POU6F2: variants seen among roughly 807,000 people sequenced by gnomAD.
POU6F2 encodes the protein POU class 6 homeobox 2.
Under a neutral mutation model 71.3 loss-of-function variants are expected in POU6F2, and 31 were observed. That is an observed-to-expected ratio of 0.43 (90% CI 0.33 to 0.59). The LOEUF is 0.59. POU6F2 is among the 20% of genes least tolerant of loss of function. The pLI is 0.04. For missense variants in POU6F2, 783 were observed against 856.8 expected, an observed-to-expected ratio of 0.91 and a Z score of 1.07; for synonymous variants, 347 against 355.7, an observed-to-expected ratio of 0.98 and a Z score of 0.27.
At chr7:39,237,873 T>C (rs1347837669) in intron 4 of POU6F2, among the ~76,000 whole-genome samples, 1 of 152,134 alleles carries the variant, frequency 6.6e-6, no homozygotes, top group Non-Finnish European at 1.5e-5. Flanking sequence ...GTAACATTAC[T>C]TCTGGCCACT....
intron 4 of POU6F2, among the ~76,000 whole-genome samples, chr7:39,269,566 C>G (rs1784307704): frequency 6.6e-6 from 1 of 152,218 alleles, no homozygotes; most frequent in Non-Finnish European, 1.5e-5. Context: ...TGCGTCTTCT[C>G]ATCCTATAAG....
intron 2 of POU6F2, among the ~76,000 whole-genome samples, chr7:39,096,427 G>A: frequency 6.6e-6 from 1 of 152,242 alleles, no homozygotes; most frequent in Middle Eastern, 3.4e-3. Flanking sequence ...CACAATTCAA[G>A]ATTATATTCA....
Position 38,998,693 on chromosome 7 carries a change from C to G in POU6F2, c.105+20635C>G, listed in dbSNP as rs1368189819. Among the ~76,000 whole-genome samples, 3 of 151,508 alleles carry G rather than the reference C, an allele frequency of 2.0e-5. No individual in the cohort carries two copies. The East Asian group carries it at 5.8e-4, about 29-fold the overall frequency. On this transcript the variant is annotated intron_variant, in intron 1 of 9. Coordinates refer to ENST00000518318, the MANE Select transcript of POU6F2 (RefSeq NM_001370959.1). ...TGAGACAGTATCTTGCTCTGTCACC[C>G]AGGATGGAGTGCAGTGGCATGATCT...
chr7:39,197,954 C>G (rs1793820507), intron 2 of POU6F2, among the ~76,000 whole-genome samples: 1 of 152,202 alleles, frequency 6.6e-6, no homozygotes, highest in South Asian at 2.1e-4. Context: ...AGAACTTACA[C>G]TCTTGTAGAG....
intron 6 of POU6F2, among the ~76,000 whole-genome samples, chr7:39,429,309 C>T (rs949171714): frequency 7.9e-5 from 12 of 152,076 alleles, no homozygotes; most frequent in African/African-American, 2.9e-4. Flanking sequence ...CCCTGCTTGG[C>T]CCCCATTTCT....
intron 1 of POU6F2, among the ~76,000 whole-genome samples, chr7:39,078,349 T>G (rs1341977430): frequency 6.6e-6 from 1 of 152,160 alleles, no homozygotes; most frequent in African/African-American, 2.4e-5. Context: ...ACCATTAATA[T>G]TCTCTGCTTG....
In POU6F2 at chr7:39,210,556, G is replaced by A. The variant is rs560826633; in HGVS notation, c.598+2936G>A. 5.3e-5 allele frequency among the ~76,000 whole-genome samples: 8 copies of A among 152,264 alleles called. No homozygotes were observed. The South Asian group carries it at 1.7e-3, about 32-fold the overall frequency. ...CACACAGAATAGCTCTCAGAGCCTT[G>A]GAGGCCATGATTTACACATGTATTT... On this transcript the variant is annotated intron_variant, in intron 4 of 9. Transcript: ENST00000518318.
At chr7:39,217,718 T>G (rs952257213) in intron 4 of POU6F2, among the ~76,000 whole-genome samples, 1 of 152,180 alleles carries the variant, frequency 6.6e-6, no homozygotes, top group African/African-American at 2.4e-5. Flanking sequence ...AAAGAAGTTA[T>G]GAAAAGTAGT....
chr7:39,037,810 T>A (rs762780684), intron 1 of POU6F2, among the ~76,000 whole-genome samples: 1 of 152,024 alleles, frequency 6.6e-6, no homozygotes, highest in Non-Finnish European at 1.5e-5. Flanking sequence ...CCTGATTGTT[T>A]AGCACTACCA....
Position 39,466,696 on chromosome 7 carries a change from C to T in POU6F2, c.*2010C>T, listed in dbSNP as rs1789078698. On this transcript the variant is annotated 3_prime_UTR_variant, in exon 10 of 10. Transcript: ENST00000518318. ...TAATTGTCCCCTCCAATGATTCATG[C>T]AGCAATCAAGAGACTACCAGCAAGG... is the stretch of plus-strand genomic sequence containing the variant. 6.6e-6 allele frequency: 1 copy of T among 152,170 alleles called. No individual in the cohort carries two copies. The highest frequency in any genetic ancestry group is 2.4e-5 in the African/African-American group (1 of 41,420). The allele number at this position is 152,170 out of a possible 1,614,324, so 9.4% of individuals were successfully genotyped here. A position where few individuals can be genotyped will look rare whatever the true frequency, so the allele number is the denominator to read the frequency against.
chr7:39,199,509 G>C (rs1793852468), intron 2 of POU6F2, among the ~76,000 whole-genome samples: 1 of 152,060 alleles, frequency 6.6e-6, no homozygotes, highest in Non-Finnish European at 1.5e-5. Flanking sequence ...AAAAGAATTG[G>C]AAAACAAAAA....
chr7:38,982,630 A>T (rs1788352590), intron 1 of POU6F2, among the ~76,000 whole-genome samples: 1 of 152,142 alleles, frequency 6.6e-6, no homozygotes. Context: ...TGTCCATTTA[A>T]GTAAAATTTA....
chr7:39,208,825 A>G (rs1794077114), intron 4 of POU6F2, among the ~76,000 whole-genome samples: 1 of 152,238 alleles, frequency 6.6e-6, no homozygotes, highest in Non-Finnish European at 1.5e-5. Context: ...CAAATAAAGC[A>G]GGAATACACA....
intron 1 of POU6F2, among the ~76,000 whole-genome samples, chr7:39,030,669 G>A (rs1351762919): frequency 6.6e-6 from 1 of 150,498 alleles, no homozygotes; most frequent in African/African-American, 2.4e-5. Context: ...ATTAGTTTTT[G>A]TGCTGGTTGT....
At chr7:39,163,467 T>C (rs1484089023) in intron 2 of POU6F2, among the ~76,000 whole-genome samples, 2 of 152,214 alleles carry the variant, frequency 1.3e-5, no homozygotes, top group African/African-American at 4.8e-5. Flanking sequence ...TTGACACTTA[T>C]GAGGTGATTT....
At chr7:39,354,014 G>T (rs201535167) in intron 5 of POU6F2, among the ~76,000 whole-genome samples, 2 of 152,048 alleles carry the variant, frequency 1.3e-5, no homozygotes, top group East Asian at 3.9e-4. Flanking sequence ...ACGCTGATCC[G>T]TAACACCCGC....
At chr7:39,194,536 ACTCTGTAAAGTGGACCAATCAGCG>A (rs200556092) in intron 2 of POU6F2, among the ~76,000 whole-genome samples, 126,696 of 150,874 alleles carry the variant, frequency 0.84, 53,878 homozygotes, top group East Asian at 0.99. Context: ...AGCAATCAGC[ACTCTGTAAAGTGGACCAATCAGCG>A]CTCTGTAAAG....
At chr7:38,984,463 C>T (rs1246515015) in intron 1 of POU6F2, 1 of 152,088 alleles carries the variant, frequency 6.6e-6, no homozygotes, top group African/African-American at 2.4e-5. Flanking sequence ...AGAAAACTCA[C>T]CAATATACTT....
intron 1 of POU6F2, among the ~76,000 whole-genome samples, chr7:39,053,731 TA>T (rs1562687338): frequency 6.6e-6 from 1 of 151,920 alleles, no homozygotes; most frequent in Non-Finnish European, 1.5e-5. Flanking sequence ...TGTCACGCTG[TA>T]AAAAATCGCT....
Sources: gnomAD v4.1 joint callset for allele counts (sites outside exome capture counted in the v4.1 genomes callset) on GRCh38, gnomAD v4.1.1 for gene constraint, MANE v1.5 for transcripts, NCBI Gene and HGNC (gene_info 2026-07-23, HGNC 2026-07-21) for gene names.